The following METTL25 variants were observed in gnomAD, a reference collection of about 807,000 sequenced individuals.
METTL25 encodes the protein methyltransferase like 25.
In METTL25, 64 loss-of-function variants were observed where a neutral mutation model predicts 71.6. The observed-to-expected ratio is 0.89, with a 90% CI of 0.73 to 1.10. The LOEUF is 1.10. Among genes scored for constraint, METTL25 ranks in the 50% least tolerant of loss-of-function variants. The probability of loss-of-function intolerance (pLI) is 0.00; values close to 1 mark genes in which losing one functional copy is unlikely to be tolerated. For synonymous variants in METTL25, 287 were observed against 250.3 expected (o/e 1.15, Z -1.38); for missense variants, 807 against 707.0 (o/e 1.14, Z -1.60).
intron 9 of METTL25, 74 bp downstream of exon 9, chr12:82,456,894 A>C: frequency 1.5e-6 from 1 of 659,498 alleles, no homozygotes. Context: ...GAGAGAATAC[A>C]AAATAGTTTC....
chr12:82,403,318 A>G (rs1886809261), intron 5 of METTL25, among the ~76,000 whole-genome samples, 188 bp downstream of exon 5: 1 of 152,102 alleles, frequency 6.6e-6, no homozygotes, highest in African/African-American at 2.4e-5. Flanking sequence ...CCACCTGTAT[A>G]TTTGTTATAG....
At chr12:82,413,503 A>C (rs958493600) in intron 5 of METTL25, among the ~76,000 whole-genome samples, 1 of 152,084 alleles carries the variant, frequency 6.6e-6, no homozygotes, top group African/African-American at 2.4e-5. Flanking sequence ...TAGATGTCCA[A>C]GGGAGTGCAG....
intron 9 of METTL25, among the ~76,000 whole-genome samples, chr12:82,466,149 T>G (rs1892217598): frequency 6.6e-6 from 1 of 151,870 alleles, no homozygotes; most frequent in South Asian, 2.1e-4. Context: ...GGCTTGTTCT[T>G]GCCTTTCTAA....
chr12:82,434,747 G>T (rs774341900), intron 7 of METTL25, 23 bp downstream of exon 7: 26 of 1,604,478 alleles, frequency 1.6e-5, no homozygotes, highest in Non-Finnish European at 2.1e-5. Context: ...GTTAACTGAT[G>T]AACACGACAG....
intron 8 of METTL25, among the ~76,000 whole-genome samples, chr12:82,452,111 T>A (rs1422705234): frequency 6.6e-6 from 1 of 152,138 alleles, no homozygotes; most frequent in African/African-American, 2.4e-5. Flanking sequence ...AATTATTAAA[T>A]ATGAAGAGTA....
chr12:82,393,724 T>G (rs1177059801), intron 3 of METTL25, among the ~76,000 whole-genome samples: 2 of 152,094 alleles, frequency 1.3e-5, no homozygotes, highest in African/African-American at 4.8e-5. Flanking sequence ...GCTTTCACTT[T>G]TTCTCTATTC....
Position 82,389,166 on chromosome 12 carries a change from C to T in METTL25, c.425-650C>T, listed in dbSNP as rs148745778. ...TAATGTGTAGCATACAGTGTATACT[C>T]GTATAGTACTGTAGTTCTGCAATGA... is the stretch of plus-strand genomic sequence containing the variant. On this transcript the variant is annotated intron_variant, in intron 2 of 11. Coordinates refer to ENST00000248306, the MANE Select transcript of METTL25 (RefSeq NM_032230.3). 2.1e-3 allele frequency among the ~76,000 whole-genome samples: 325 copies of T among 152,110 alleles called. 1 individual carries two copies. Among genetic ancestry groups the T allele is most frequent in the African/African-American group, 7.2e-3 (297 of 41,518 alleles).
In METTL25 at chr12:82,389,798, T is replaced by TAAAA. The variant is rs760266052; in HGVS notation, c.425-17_425-16insAAAA. The stretch of plus-strand genomic sequence containing the variant: ...ATTTTGATTCTTTAATAGCAGTTTT[T>TAAAA]ACTTTTATTTTCATTAGGTGAAAAT... On this transcript the variant is annotated splice_polypyrimidine_tract_variant and intron_variant, in intron 2 of 11. Coordinates refer to ENST00000248306, the MANE Select transcript of METTL25 (RefSeq NM_032230.3). The TAAAA allele has an allele frequency of 6.8e-7, 1 of 1,473,608 alleles. No individual in the cohort carries two copies. The highest frequency in any genetic ancestry group is 9.4e-7 in the Non-Finnish European group (1 of 1,059,712). The allele number at this position is 1,473,608 out of a possible 1,614,324, so 91.3% of individuals were successfully genotyped here.
chr12:82,477,250 C>T lies in METTL25; in HGVS notation c.1648-31C>T, dbSNP rs199738243. The T allele has an allele frequency of 2.2e-5, 23 of 1,041,950 alleles. No individual in the cohort carries two copies. The East Asian group carries it at 5.6e-4, about 25-fold the overall frequency. 64.5% of individuals were successfully genotyped at this position (1,041,950 alleles called of 1,614,324 possible). On this transcript the variant is annotated intron_variant, in intron 10 of 11. Transcript: ENST00000248306. Reference sequence around the variant, plus strand: ...GCTAGTCTTTTTTTTTTAAGTACCACCAACCTACCTATCTAATTTTTTTAT... The same window carrying T: ...GCTAGTCTTTTTTTTTTAAGTACCATCAACCTACCTATCTAATTTTTTTAT...
intron 1 of METTL25, among the ~76,000 whole-genome samples, chr12:82,374,568 C>G (rs1344790903): frequency 6.6e-6 from 1 of 152,180 alleles, no homozygotes; most frequent in Admixed American, 6.5e-5. Flanking sequence ...CTGATTGGTG[C>G]ATTTATAATC....
intron 1 of METTL25, chr12:82,374,460 G>A (rs553167975): frequency 1.4e-4 from 22 of 152,372 alleles, no homozygotes; most frequent in African/African-American, 4.8e-4. Context: ...GCTGATTGGT[G>A]CGTTTACAGT....
chr12:82,370,864 G>C (rs1351074515), intron 1 of METTL25, among the ~76,000 whole-genome samples: 12 of 151,866 alleles, frequency 7.9e-5, no homozygotes, highest in Non-Finnish European at 1.8e-4. Context: ...TTATGCTGCT[G>C]TTCTCCTCTC....
At chr12:82,394,535 T>G (rs1381691860) in intron 3 of METTL25, among the ~76,000 whole-genome samples, 1 of 152,038 alleles carries the variant, frequency 6.6e-6, no homozygotes, top group Non-Finnish European at 1.5e-5. Context: ...CATACTTGCA[T>G]GCATTCATTC....
Position 82,371,477 on chromosome 12 carries a change from G to A in METTL25, c.259+12653G>A, listed in dbSNP as rs1016163704. Among the ~76,000 whole-genome samples the A allele has an allele frequency of 7.2e-5, 11 of 152,272 alleles. No homozygotes were observed. The South Asian group carries it at 1.2e-3, about 17-fold the overall frequency. On this transcript the variant is annotated intron_variant, in intron 1 of 11. Transcript: ENST00000248306. ...AACCACACTGATAACAAGCCCTACC[G>A]GGTGATTGGCCTGCTCCATTTTCTG...
At chr12:82,440,119 T>G (rs1474419205) in intron 8 of METTL25, among the ~76,000 whole-genome samples, 5 of 152,000 alleles carry the variant, frequency 3.3e-5, no homozygotes, top group Non-Finnish European at 5.9e-5. Context: ...TCTCTGAGTT[T>G]CATTTTTCTA....
At chr12:82,387,713 G>GCTCACA (rs1314906771) in intron 2 of METTL25, among the ~76,000 whole-genome samples, 2 of 30,168 alleles carry the variant, frequency 6.6e-5, no homozygotes, top group African/African-American at 1.2e-4. Flanking sequence ...ACACACACAC[G>GCTCACA]CGCACACACA....
intron 3 of METTL25, 68 bp from the exon 4 acceptor site, chr12:82,398,727 A>C: frequency 1.8e-6 from 2 of 1,121,986 alleles, no homozygotes; most frequent in Non-Finnish European, 2.4e-6. Context: ...TTACTTCAAA[A>C]AATCTAGAAT....
Position 82,407,394 on chromosome 12 carries a change from G to T in METTL25, c.1279+4264G>T, listed in dbSNP as rs548875076. On this transcript the variant is annotated intron_variant, in intron 5 of 11. Coordinates refer to ENST00000248306, the MANE Select transcript of METTL25 (RefSeq NM_032230.3). ...AGGATTTAAATAAGAAAAAGTGTTG[G>T]AAAGGTTTGTGAGAACTGTGACCAG... Among the ~76,000 whole-genome samples the T allele has an allele frequency of 2.0e-5, 3 of 152,190 alleles. No homozygotes were observed. In the East Asian group the frequency reaches 5.8e-4, roughly 29 times the overall value.
chr12:82,443,947 G>T (rs1890553730), intron 8 of METTL25, among the ~76,000 whole-genome samples: 1 of 152,116 alleles, frequency 6.6e-6, no homozygotes, highest in South Asian at 2.1e-4. Context: ...ATGAGGTTTG[G>T]AAGGGTCAAA....
Sources: allele counts gnomAD v4.1 joint callset (sites outside exome capture counted in the v4.1 genomes callset), GRCh38; gene constraint gnomAD v4.1.1; transcripts MANE v1.5; gene names NCBI Gene and HGNC (gene_info 2026-07-23, HGNC 2026-07-21).